The following MDN1 variants were observed in gnomAD, a reference collection of about 807,000 sequenced individuals.
MDN1 encodes the protein midasin AAA ATPase 1.
In MDN1, 266 loss-of-function variants were observed where a neutral mutation model predicts 669.2. The ratio of observed to expected loss-of-function variants is 0.40; its 90% CI spans 0.36 to 0.44. MDN1 has a LOEUF of 0.44. MDN1 is among the 20% of genes least tolerant of loss of function. The probability of loss-of-function intolerance (pLI) is 1.00; values close to 1 mark genes in which losing one functional copy is unlikely to be tolerated. For missense variants in MDN1, 5,940 were observed against 6,754.0 expected (o/e 0.88, Z 4.22); for synonymous variants, 2,385 against 2,457.1 (o/e 0.97, Z 0.87).
chr6:89,677,759 C>T, intron 75 of MDN1, 63 bp from the exon 76 acceptor site: 1 of 1,606,354 alleles, frequency 6.2e-7, no homozygotes, highest in Non-Finnish European at 8.5e-7. Flanking sequence ...GTGCCCCCCT[C>T]TCCCCTGCTA....
At position 89,723,627 on chromosome 6, in the gene MDN1, T is replaced by A. The variant is rs779690969; in HGVS notation, c.5671-8A>T. 2.7e-6 allele frequency: 4 copies of A among 1,480,772 alleles called. No individual in the cohort carries two copies. The highest frequency in any genetic ancestry group is 3.7e-6 in the Non-Finnish European group (4 of 1,087,202). 91.7% of individuals were successfully genotyped at this position (1,480,772 alleles called of 1,614,324 possible). The stretch of plus-strand genomic sequence containing the variant: ...AAGGGGATCAACGAAGACCTAGAAA[T>A]CCAAAAATAATATGAAGAAATGCCT... On this transcript the variant is annotated splice_region_variant and splice_polypyrimidine_tract_variant and intron_variant, in intron 38 of 101. Transcript: ENST00000369393.
At position 89,678,673 on chromosome 6, in the gene MDN1, C is replaced by CGCT; in HGVS notation, c.12335_12337dup (p.Gln4112dup). Reference sequence around the variant, plus strand: ...CATGAGAATGTGCTTGGCTTCTGACCGCTGCTTCTCCTTCTCTGCAGAGGG... The same window carrying CGCT: ...CATGAGAATGTGCTTGGCTTCTGACCGCTGCTGCTTCTCCTTCTCTGCAGAGGG... On this transcript the variant is annotated inframe_insertion, in exon 75 of 102. Transcript: ENST00000369393. The CGCT allele has an allele frequency of 6.2e-7, 1 of 1,614,048 alleles. No individual in the cohort carries two copies. The highest frequency in any genetic ancestry group is 8.5e-7 in the Non-Finnish European group (1 of 1,179,954).
At position 89,725,416 on chromosome 6, in the gene MDN1, C is replaced by T; in HGVS notation, c.5473-20G>A. Reference sequence around the variant, plus strand: ...GTTAAGCTATTTAAAGAAGAAAGTACATAATTTGTCTCAAATATATTATAC... The same window carrying T: ...GTTAAGCTATTTAAAGAAGAAAGTATATAATTTGTCTCAAATATATTATAC... On this transcript the variant is annotated intron_variant, in intron 37 of 101. Coordinates refer to ENST00000369393, the MANE Select transcript of MDN1 (RefSeq NM_014611.3). The T allele has an allele frequency of 1.3e-6, 2 of 1,588,596 alleles. No individual in the cohort carries two copies. Among genetic ancestry groups the T allele is most frequent in the Non-Finnish European group, 1.7e-6 (2 of 1,157,290 alleles).
At position 89,692,681 on chromosome 6, in the gene MDN1, G is replaced by A. The variant is rs1243913426; in HGVS notation, c.10349C>T (p.Pro3450Leu). The part of the protein sequence containing the change: ...LAFPSVGPTF[P>L]TYYAHADTLC... Reference sequence around the variant, plus strand: ...AGTGTCTGCATGAGCATAGTAAGTCGGGAAGGTGGGGCCCACCGATGGGAA... The same window carrying A: ...AGTGTCTGCATGAGCATAGTAAGTCAGGAAGGTGGGGCCCACCGATGGGAA... The change falls in exon 63 of 102, where the codon CCG becomes CTG. Residue 3450 changes from proline to leucine, a missense_variant. Coordinates refer to ENST00000369393, the MANE Select transcript of MDN1 (RefSeq NM_014611.3). The A allele has an allele frequency of 2.5e-6, 4 of 1,614,068 alleles. No individual in the cohort carries two copies. Among genetic ancestry groups the A allele is most frequent in the African/African-American group, 2.7e-5 (2 of 74,934 alleles).
At chr6:89,709,939 C>A (rs936907576) in intron 50 of MDN1, among the ~76,000 whole-genome samples, 4 of 152,134 alleles carry the variant, frequency 2.6e-5, no homozygotes, top group African/African-American at 9.7e-5. Flanking sequence ...CTCTGTTGCC[C>A]AGGCTAGAAT....
chr6:89,712,877 C>A (rs975826262), intron 47 of MDN1, 91 bp from the exon 48 acceptor site: 5 of 1,170,192 alleles, frequency 4.3e-6, no homozygotes, highest in Non-Finnish European at 4.9e-6. Context: ...CATGCGACCA[C>A]CTCACAACAA....
intron 43 of MDN1, among the ~76,000 whole-genome samples, chr6:89,717,427 G>A (rs1814452745): frequency 6.6e-6 from 1 of 152,194 alleles, no homozygotes; most frequent in African/African-American, 2.4e-5. Context: ...CTGTAGGCAA[G>A]TAATTTTGTC....
At chr6:89,677,971 A>C (rs572684897) in intron 75 of MDN1, among the ~76,000 whole-genome samples, 3 of 152,340 alleles carry the variant, frequency 2.0e-5, no homozygotes, top group Admixed American at 1.3e-4. Flanking sequence ...GTGGTGACAG[A>C]AATTTTAAAA....
intron 49 of MDN1, 85 bp from the exon 50 acceptor site, chr6:89,710,879 C>A (rs1813860547): frequency 5.2e-6 from 4 of 762,038 alleles, no homozygotes; most frequent in African/African-American, 1.9e-5. Context: ...TGTTCTACAG[C>A]TGCATAGAAT....
Position 89,688,561 on chromosome 6 carries a change from C to T in MDN1, c.11259+12G>A. Reference sequence around the variant, plus strand: ...AGTACTGTGAGCACTCCTTCCTCAACAGCTGCCCTACCTGTTCAAGCGCTG... The same window carrying T: ...AGTACTGTGAGCACTCCTTCCTCAATAGCTGCCCTACCTGTTCAAGCGCTG... On this transcript the variant is annotated intron_variant, in intron 66 of 101. Coordinates refer to ENST00000369393, the MANE Select transcript of MDN1 (RefSeq NM_014611.3). 1.2e-6 allele frequency: 2 copies of T among 1,609,602 alleles called. No individual in the cohort carries two copies. Among genetic ancestry groups the T allele is most frequent in the Non-Finnish European group, 1.7e-6 (2 of 1,177,198 alleles).
intron 1 of MDN1, among the ~76,000 whole-genome samples, chr6:89,818,320 CAAAAAAAA>C (rs60891640): frequency 2.9e-5 from 2 of 67,840 alleles, no homozygotes; most frequent in African/African-American, 6.8e-5. Context: ...GCCTCCGTCT[CAAAAAAAA>C]AAAAAAAAAA....
At position 89,664,503 on chromosome 6, in the gene MDN1, CCCA is replaced by C; in HGVS notation, c.14217_14219del (p.Asp4739_Gly4740delinsGlu). The C allele has an allele frequency of 1.9e-6, 3 of 1,613,812 alleles. No homozygotes were observed. The highest frequency in any genetic ancestry group is 2.5e-6 in the Non-Finnish European group (3 of 1,179,936). On this transcript the variant is annotated inframe_deletion, in exon 85 of 102. Coordinates refer to ENST00000369393, the MANE Select transcript of MDN1 (RefSeq NM_014611.3). ...ATCTGAAACCTTGTTCTTCAAGCTC[CCCA>C]TCATGCATTTTCCCATCAAAATCTT...
At chr6:89,765,581 T>C (rs1361476312) in intron 15 of MDN1, among the ~76,000 whole-genome samples, 1 of 152,236 alleles carries the variant, frequency 6.6e-6, no homozygotes, top group African/African-American at 2.4e-5. Flanking sequence ...CCCAAAGTGC[T>C]GAGATTACAT....
chr6:89,683,730 A>G, intron 72 of MDN1, 101 bp downstream of exon 72: 1 of 857,840 alleles, frequency 1.2e-6, no homozygotes, highest in Non-Finnish European at 1.9e-6. Flanking sequence ...AGTTTAACAC[A>G]CTTAATATTA....
Position 89,674,530 on chromosome 6 carries a change from G to T in MDN1, c.12821C>A (p.Pro4274His). 1 of 1,603,596 alleles carries T rather than the reference G, an allele frequency of 6.2e-7. No homozygotes were observed. The highest frequency in any genetic ancestry group is 8.5e-7 in the Non-Finnish European group (1 of 1,178,536). Reference protein sequence around the residue: ...HSRLMGPQAYPVAFPPQDGVQ... With the variant: ...HSRLMGPQAYHVAFPPQDGVQ... ...GCCATCCTGAGGGGGGAAGGCCACGGGGTAGGCCTGGGGCCCCATCAGCCT... is the reference window on the plus strand; with the variant it reads ...GCCATCCTGAGGGGGGAAGGCCACGTGGTAGGCCTGGGGCCCCATCAGCCT... The change falls in exon 79 of 102, where the codon CCC (proline) becomes CAC (histidine). Residue 4274 changes from proline (P) to histidine (H), a missense_variant. By Grantham distance (77) the Pro-to-His change is moderately conservative. This residue lies in a region of MDN1 where 2,280 missense variants were observed against 2,576.3 expected (regional missense o/e 0.88). Coordinates refer to ENST00000369393, the MANE Select transcript of MDN1 (RefSeq NM_014611.3).
At chr6:89,784,377 A>G (rs546670118) in intron 9 of MDN1, among the ~76,000 whole-genome samples, 4 of 152,288 alleles carry the variant, frequency 2.6e-5, no homozygotes, top group South Asian at 4.1e-4. Context: ...ATATTTACCT[A>G]TATACCTACA....
intron 9 of MDN1, 36 bp downstream of exon 9, chr6:89,784,976 C>A: frequency 2.2e-6 from 3 of 1,394,056 alleles, no homozygotes; most frequent in Non-Finnish European, 3.1e-6. Context: ...AGCCACTGCA[C>A]CTGGCCAGCA....
intron 35 of MDN1, among the ~76,000 whole-genome samples, chr6:89,730,291 G>A (rs866540398): frequency 1.2e-4 from 18 of 152,146 alleles, no homozygotes; most frequent in African/African-American, 1.7e-4. Flanking sequence ...GCCAGGGACC[G>A]GATCAGGAAT....
chr6:89,758,234 C>T lies in MDN1; in HGVS notation c.2702+21G>A, dbSNP rs1398394590. On this transcript the variant is annotated intron_variant, in intron 19 of 101. Transcript: ENST00000369393. ...AGAACCTGTTGCAAAAAAGGAAAGT[C>T]TCCAAGAACCAAACCCTCACCTGTT... The T allele has an allele frequency of 1.9e-6, 3 of 1,580,462 alleles. No homozygotes were observed. The South Asian group carries it at 3.4e-5, about 18-fold the overall frequency.
Sources: gnomAD v4.1 joint callset for allele counts (sites outside exome capture counted in the v4.1 genomes callset) on GRCh38, gnomAD v4.1.1 for gene constraint, gnomAD v4.1.1 regional missense constraint, MANE v1.5 for transcripts, NCBI Gene and HGNC (gene_info 2026-07-23, HGNC 2026-07-21) for gene names.